Variants in NBEA observed in about 807,000 individuals in gnomAD.
The protein encoded by NBEA is neurobeachin, also known as lysosomal-trafficking regulator 2.
In NBEA, 44 loss-of-function variants were observed where a neutral mutation model predicts 343.4. The ratio of observed to expected loss-of-function variants is 0.13; its 90% CI spans 0.10 to 0.16. The LOEUF (loss-of-function observed/expected upper bound fraction) is 0.16, where lower values mean the gene tolerates loss of function less well. Ranked by LOEUF, NBEA falls within the 10% of genes least tolerant of loss-of-function variation. The pLI is 1.00. For missense variants in NBEA, 2,555 were observed against 3,631.3 expected, an observed-to-expected ratio of 0.70 and a Z score of 7.62; for synonymous variants, 1,175 against 1,238.7, an observed-to-expected ratio of 0.95 and a Z score of 1.08.
At chr13:35,029,448 A>G (rs138285157) in intron 1 of NBEA, among the ~76,000 whole-genome samples, 3 of 151,714 alleles carry the variant, frequency 2.0e-5, no homozygotes, top group Non-Finnish European at 4.4e-5. Context: ...AGGATTTTCT[A>G]TGAAGTGAGG....
At chr13:35,544,562 G>A (rs980525157) in intron 41 of NBEA, among the ~76,000 whole-genome samples, 2 of 152,144 alleles carry the variant, frequency 1.3e-5, no homozygotes, top group Non-Finnish European at 2.9e-5. Context: ...ATTTGAGTAG[G>A]TGGTTTACAA....
chr13:35,129,123 A>G (rs2067280955), intron 17 of NBEA, among the ~76,000 whole-genome samples: 1 of 151,678 alleles, frequency 6.6e-6, no homozygotes, highest in East Asian at 2.0e-4. Context: ...TGATGAGTTA[A>G]TGGGTGCAGC....
At chr13:35,585,008 CCT>C (rs1224108995) in intron 46 of NBEA, among the ~76,000 whole-genome samples, 2 of 151,234 alleles carry the variant, frequency 1.3e-5, no homozygotes, top group East Asian at 3.9e-4. Flanking sequence ...GCTCTCCCCC[CCT>C]CCCTCATTCT....
intron 35 of NBEA, among the ~76,000 whole-genome samples, chr13:35,309,065 A>T (rs1328826804): frequency 3.9e-5 from 6 of 152,092 alleles, no homozygotes; most frequent in Non-Finnish European, 8.8e-5. Flanking sequence ...ATATAACTAG[A>T]ACATTGCACT....
intron 36 of NBEA, among the ~76,000 whole-genome samples, chr13:35,322,100 G>A (rs1222535176): frequency 6.6e-6 from 1 of 152,122 alleles, no homozygotes; most frequent in Non-Finnish European, 1.5e-5. Context: ...TTGCAGGGGA[G>A]TGAACGGTTC....
chr13:35,493,111 G>C (rs1169035947), intron 41 of NBEA, among the ~76,000 whole-genome samples: 1 of 151,924 alleles, frequency 6.6e-6, no homozygotes, highest in Non-Finnish European at 1.5e-5. Context: ...ATAAGATTCT[G>C]GGTGGAGAGG....
chr13:35,246,851 T>C (rs1261496451), intron 34 of NBEA, among the ~76,000 whole-genome samples: 1 of 152,086 alleles, frequency 6.6e-6, no homozygotes, highest in Non-Finnish European at 1.5e-5. Flanking sequence ...GCCCTAGATC[T>C]CCAAAGAGAA....
chr13:35,368,665 G>T (rs993818867), intron 38 of NBEA, among the ~76,000 whole-genome samples: 2 of 151,166 alleles, frequency 1.3e-5, no homozygotes, highest in East Asian at 3.9e-4. Context: ...ATTTTAAGTG[G>T]CTGTCTGAAC....
At position 35,655,762 on chromosome 13, in the gene NBEA, A is replaced by G. The variant is rs1284882089; in HGVS notation, c.8362+13A>G. On this transcript the variant is annotated intron_variant, in intron 55 of 58. Coordinates refer to ENST00000379939, the MANE Select transcript of NBEA (RefSeq NM_001385012.1). The stretch of plus-strand genomic sequence containing the variant: ...AACCCTAACAGCAGTGAGTGTTTGT[A>G]TCAAATTTGTCCTATCAAACTATAG... The G allele has an allele frequency of 1.2e-6, 2 of 1,602,016 alleles. No individual in the cohort carries two copies. Among genetic ancestry groups the G allele is most frequent in the Non-Finnish European group, 1.7e-6 (2 of 1,173,798 alleles).
At chr13:35,257,642 GA>G (rs1232084517) in intron 34 of NBEA, among the ~76,000 whole-genome samples, 7 of 151,750 alleles carry the variant, frequency 4.6e-5, no homozygotes, top group Non-Finnish European at 7.4e-5. Context: ...ATAATCTAAT[GA>G]AAAAAATATT....
intron 9 of NBEA, 41 bp from the exon 10 acceptor site, chr13:35,070,678 T>C: frequency 1.3e-6 from 2 of 1,502,274 alleles, no homozygotes; most frequent in Non-Finnish European, 1.8e-6. Context: ...GATGAAATCA[T>C]TCTATAGAAG....
chr13:35,489,498 T>C (rs1156654294), intron 41 of NBEA, among the ~76,000 whole-genome samples: 2 of 151,952 alleles, frequency 1.3e-5, no homozygotes, highest in African/African-American at 4.8e-5. Context: ...TATGCTCTTC[T>C]CTGATCCCTA....
At chr13:35,068,690 G>A (rs1480536611) in intron 8 of NBEA, among the ~76,000 whole-genome samples, 2 of 152,088 alleles carry the variant, frequency 1.3e-5, no homozygotes, top group Non-Finnish European at 2.9e-5. Context: ...TTTTCTTTTA[G>A]ATAGTCTCTA....
intron 34 of NBEA, among the ~76,000 whole-genome samples, chr13:35,256,288 A>G (rs1793937920): frequency 6.6e-6 from 1 of 152,180 alleles, no homozygotes; most frequent in Admixed American, 6.5e-5. Context: ...CCCAAAGTGG[A>G]TAGTTTCTTT....
chr13:35,647,952 T>C (rs2084318277), intron 51 of NBEA, among the ~76,000 whole-genome samples: 1 of 152,138 alleles, frequency 6.6e-6, no homozygotes, highest in Admixed American at 6.6e-5. Context: ...CATGGCTCAC[T>C]GCAGCCTCAA....
chr13:35,562,314 T>G (rs1316091734), intron 44 of NBEA, among the ~76,000 whole-genome samples: 3 of 152,120 alleles, frequency 2.0e-5, no homozygotes, highest in African/African-American at 7.2e-5. Flanking sequence ...CAAATTGACC[T>G]GATTTCTGTT....
Position 35,065,320 on chromosome 13 carries a change from G to C in NBEA, c.1240-4588G>C, listed in dbSNP as rs572881712. 7.2e-5 allele frequency among the ~76,000 whole-genome samples: 11 copies of C among 151,966 alleles called. No individual in the cohort carries two copies. The South Asian group carries it at 2.3e-3, about 32-fold the overall frequency. Reference sequence around the variant, plus strand: ...CATGAGGTATTGGTATTGAAAGCCTGTTGACAATGTAGTATCTTCTCCATT... The same window carrying C: ...CATGAGGTATTGGTATTGAAAGCCTCTTGACAATGTAGTATCTTCTCCATT... On this transcript the variant is annotated intron_variant, in intron 8 of 58. Coordinates refer to ENST00000379939, the MANE Select transcript of NBEA (RefSeq NM_001385012.1).
At chr13:35,415,264 T>C (rs1165114706) in intron 38 of NBEA, among the ~76,000 whole-genome samples, 1 of 152,190 alleles carries the variant, frequency 6.6e-6, no homozygotes, top group Non-Finnish European at 1.5e-5. Context: ...AATTTTGGCT[T>C]TTGTTGCCAT....
intron 36 of NBEA, among the ~76,000 whole-genome samples, chr13:35,311,310 G>A (rs566067049): frequency 6.6e-4 from 99 of 151,120 alleles, no homozygotes; most frequent in Middle Eastern, 3.4e-3. Context: ...TTTCAACTGC[G>A]AAGTAAAAAT....
Sources: gnomAD v4.1 joint callset for allele counts (sites outside exome capture counted in the v4.1 genomes callset) on GRCh38, gnomAD v4.1.1 for gene constraint, MANE v1.5 for transcripts, NCBI Gene and HGNC (gene_info 2026-07-23, HGNC 2026-07-21) for gene names.